The following ESRRG variants were observed in gnomAD, a reference collection of about 807,000 sequenced individuals.
ESRRG encodes estrogen-related receptor gamma.
Under a neutral mutation model 44.0 loss-of-function variants are expected in ESRRG, and 13 were observed. The observed-to-expected ratio is 0.30, with a 90% CI of 0.19 to 0.47. The LOEUF is 0.47. Among genes scored for constraint, ESRRG ranks in the 20% least tolerant of loss-of-function variants. ESRRG has a pLI of 1.00. For synonymous variants in ESRRG, 215 were observed against 214.6 expected (o/e 1.00, Z -0.02); for missense variants, 395 against 580.6 (o/e 0.68, Z 3.29).
rs770395096 is a variant in ESRRG, at chr1:216,506,920, A to G, written c.*19T>C. ...CCCTTTTTCAACATGAAGGATGGGA[A>G]GGCCCAGGGAGCTTTTAGTCAGACC... is the stretch of plus-strand genomic sequence containing the variant. On this transcript the variant is annotated 3_prime_UTR_variant, in exon 7 of 7. Coordinates refer to ENST00000408911, the MANE Select transcript of ESRRG (RefSeq NM_001438.4). The G allele has an allele frequency of 4.4e-6, 7 of 1,603,002 alleles. No individual in the cohort carries two copies. In the South Asian group the frequency reaches 4.5e-5, roughly 10 times the overall value.
At chr1:216,961,561 A>AT (rs35113256) in intron 1 of ESRRG, among the ~76,000 whole-genome samples, 9,458 of 131,906 alleles carry the variant, frequency 0.072, 825 homozygotes, top group African/African-American at 0.22. Flanking sequence ...ATTTACTCTT[A>AT]TTTTTTTTTT....
At chr1:216,835,888 G>T (rs61817888) in intron 2 of ESRRG, among the ~76,000 whole-genome samples, 23,771 of 151,988 alleles carry the variant, frequency 0.16, 2,211 homozygotes, top group South Asian at 0.2. Context: ...GAACAAAACC[G>T]CTTGATTTAT....
intron 1 of ESRRG, among the ~76,000 whole-genome samples, chr1:217,070,702 T>G: frequency 6.6e-6 from 1 of 152,210 alleles, no homozygotes; most frequent in East Asian, 1.9e-4. Context: ...TCTGGAAAAG[T>G]AAAATAATGC....
rs1180632185 is a variant in ESRRG at position 216,779,164 on chromosome 1, AAT to A, written c.-13-101675_-13-101674del. ...TATATATTTATATATATATAAAATA[AAT>A]ATATATATAATTATATAAATATATA... On this transcript the variant is annotated intron_variant, in intron 2 of 7. Transcript: ENST00000359162. Among the ~76,000 whole-genome samples the A allele has an allele frequency of 2.0e-4, 16 of 79,520 alleles. 1 individual carries two copies. Among genetic ancestry groups the A allele is most frequent in the Admixed American group, 5.0e-4 (3 of 5,984 alleles). The allele number at this position is 79,520 out of a possible 152,430, so 52.2% of individuals were successfully genotyped here.
chr1:217,082,283 G>A (rs1201049940), intron 1 of ESRRG, among the ~76,000 whole-genome samples: 1 of 152,126 alleles, frequency 6.6e-6, no homozygotes, highest in Non-Finnish European at 1.5e-5. Flanking sequence ...ACAGAGAACT[G>A]GTGGACCCAG....
chr1:216,897,686 C>T (rs1464129355), intron 2 of ESRRG, among the ~76,000 whole-genome samples: 1 of 152,110 alleles, frequency 6.6e-6, no homozygotes, highest in Non-Finnish European at 1.5e-5. Context: ...ATCCAAAATA[C>T]AGGATGGTGG....
intron 1 of ESRRG, among the ~76,000 whole-genome samples, chr1:217,100,572 G>A (rs1424989167): frequency 6.6e-6 from 1 of 152,126 alleles, no homozygotes; most frequent in East Asian, 1.9e-4. Flanking sequence ...CCTGTCACTG[G>A]GTAATTTGTA....
intron 1 of ESRRG, among the ~76,000 whole-genome samples, chr1:217,035,408 G>T (rs17636663): frequency 6.6e-6 from 1 of 150,848 alleles, no homozygotes; most frequent in South Asian, 2.1e-4. Flanking sequence ...GCTAGTCCTA[G>T]TGGGTACATA....
At chr1:216,817,785 C>A (rs2095185438) in intron 2 of ESRRG, among the ~76,000 whole-genome samples, 1 of 152,160 alleles carries the variant, frequency 6.6e-6, no homozygotes, top group Non-Finnish European at 1.5e-5. Flanking sequence ...GTGCTTGATA[C>A]ACATTTAAAA....
intron 1 of ESRRG, among the ~76,000 whole-genome samples, chr1:216,694,753 T>G (rs2079787525): frequency 6.6e-6 from 1 of 151,922 alleles, no homozygotes; most frequent in African/African-American, 2.4e-5. Context: ...GACAGGATTT[T>G]GCCATATTGC....
chr1:216,894,924 T>C (rs552945228), intron 2 of ESRRG, among the ~76,000 whole-genome samples: 1 of 152,316 alleles, frequency 6.6e-6, no homozygotes, highest in East Asian at 1.9e-4. Flanking sequence ...TAAAAAGATT[T>C]AAACTTGCTA....
chr1:216,548,581 T>C (rs968949306), intron 5 of ESRRG, among the ~76,000 whole-genome samples: 1 of 152,004 alleles, frequency 6.6e-6, no homozygotes, highest in Non-Finnish European at 1.5e-5. Flanking sequence ...TCCCATACAT[T>C]TATCTTTACT....
intron 2 of ESRRG, among the ~76,000 whole-genome samples, chr1:216,769,106 C>A (rs2093261919): frequency 6.6e-6 from 1 of 151,962 alleles, no homozygotes; most frequent in Non-Finnish European, 1.5e-5. Context: ...TGCCTCCTGA[C>A]CTCAGAAGCC....
intron 5 of ESRRG, among the ~76,000 whole-genome samples, chr1:216,522,708 G>A (rs1012985711): frequency 6.6e-5 from 10 of 151,984 alleles, no homozygotes; most frequent in South Asian, 4.2e-4. Flanking sequence ...ACATAAAAAC[G>A]CATGGATAAA....
chr1:216,533,500 G>C (rs371375582), intron 5 of ESRRG, among the ~76,000 whole-genome samples: 145 of 152,168 alleles, frequency 9.5e-4, no homozygotes, highest in African/African-American at 3.3e-3. Flanking sequence ...AATGTGTAGA[G>C]ATGAACAACC....
At chr1:216,706,429 G>A (rs2082461477) in intron 1 of ESRRG, among the ~76,000 whole-genome samples, 1 of 152,154 alleles carries the variant, frequency 6.6e-6, no homozygotes, top group Non-Finnish European at 1.5e-5. Flanking sequence ...GCCTTTTGAT[G>A]TTGCAGAAAA....
chr1:217,007,472 C>G (rs2077918240), intron 1 of ESRRG, among the ~76,000 whole-genome samples: 1 of 152,102 alleles, frequency 6.6e-6, no homozygotes, highest in African/African-American at 2.4e-5. Flanking sequence ...TTGGATAATT[C>G]AAGGACATTA....
At chr1:217,092,986 G>GAGT (rs2151553119), upstream of ESRRG, among the ~76,000 whole-genome samples, 1 of 151,934 alleles carries the variant, frequency 6.6e-6, no homozygotes, top group East Asian at 1.9e-4. Context: ...CTTCATATGG[G>GAGT]GAGTGAGGTG....
chr1:216,671,452 G>T (rs2075159237), intron 2 of ESRRG, among the ~76,000 whole-genome samples: 1 of 152,274 alleles, frequency 6.6e-6, no homozygotes, highest in East Asian at 1.9e-4. Context: ...TTAGCATCAA[G>T]GATAACTCTG....
Sources: gnomAD v4.1 joint callset for allele counts (sites outside exome capture counted in the v4.1 genomes callset) on GRCh38, gnomAD v4.1.1 for gene constraint, MANE v1.5 for transcripts, NCBI Gene and HGNC (gene_info 2026-07-23, HGNC 2026-07-21) for gene names.